The following EPB41L2 variants were observed in gnomAD, a reference collection of about 807,000 sequenced individuals.
The protein encoded by EPB41L2 is erythrocyte membrane protein band 4.1 like 2.
EPB41L2 carries 43 observed loss-of-function variants against 113.0 expected under a neutral mutation model. The observed-to-expected ratio is 0.38, with a 90% CI of 0.30 to 0.49. The LOEUF (loss-of-function observed/expected upper bound fraction) is 0.49. EPB41L2 is among the 20% of genes least tolerant of loss of function. The pLI is 0.95. For missense variants in EPB41L2, 1,147 were observed against 1,223.4 expected (o/e 0.94, Z 0.93); for synonymous variants, 442 against 436.7 (o/e 1.01, Z -0.15).
chr6:130,861,040 A>T (rs1380892836), intron 18 of EPB41L2, among the ~76,000 whole-genome samples: 1 of 152,062 alleles, frequency 6.6e-6, no homozygotes, highest in African/African-American at 2.4e-5. Flanking sequence ...GCCCAGTGAA[A>T]GTGTCCTTCC....
At chr6:130,867,389 G>A in intron 16 of EPB41L2, 70 bp downstream of exon 16, 2 of 1,553,702 alleles carry the variant, frequency 1.3e-6, no homozygotes, top group Non-Finnish European at 1.7e-6. Flanking sequence ...ACTAAGAGAA[G>A]AAAGAATGAA....
intron 1 of EPB41L2, among the ~76,000 whole-genome samples, chr6:131,029,743 A>G (rs568631183): frequency 1.0e-3 from 153 of 152,298 alleles, no homozygotes; most frequent in African/African-American, 3.5e-3. Context: ...TTGCCTAAAC[A>G]TTCCAGTGAC....
At chr6:130,929,668 A>G (rs1345932289) in intron 3 of EPB41L2, among the ~76,000 whole-genome samples, 1 of 152,172 alleles carries the variant, frequency 6.6e-6, no homozygotes, top group East Asian at 1.9e-4. Flanking sequence ...CCAAAAATAA[A>G]GCATTATGTA....
intron 4 of EPB41L2, among the ~76,000 whole-genome samples, chr6:130,924,425 C>A (rs1472710759): frequency 1.3e-5 from 2 of 151,804 alleles, no homozygotes; most frequent in African/African-American, 4.8e-5. Flanking sequence ...GTTGCCCAGG[C>A]TGGAGTGCAA....
intron 4 of EPB41L2, among the ~76,000 whole-genome samples, chr6:130,919,976 ATTTTT>A (rs397970115): frequency 6.7e-6 from 1 of 148,882 alleles, no homozygotes; most frequent in Non-Finnish European, 1.5e-5. Flanking sequence ...CTCAACTAAG[ATTTTT>A]TTTTTTAACA....
chr6:130,949,195 T>C (rs566957440), intron 3 of EPB41L2, among the ~76,000 whole-genome samples: 2 of 152,274 alleles, frequency 1.3e-5, no homozygotes, highest in African/African-American at 4.8e-5. Context: ...AAACTGGAAA[T>C]ATGAACAAAC....
chr6:130,938,108 G>A (rs1188902662), intron 3 of EPB41L2, among the ~76,000 whole-genome samples: 2 of 152,224 alleles, frequency 1.3e-5, no homozygotes, highest in Non-Finnish European at 2.9e-5. Context: ...TTGTAAAGCA[G>A]AGGGAGATAG....
chr6:130,997,644 T>C (rs1174292987), intron 1 of EPB41L2, among the ~76,000 whole-genome samples: 2 of 152,194 alleles, frequency 1.3e-5, no homozygotes. Flanking sequence ...TTTTCAGGAC[T>C]GCAAAATGGC....
At chr6:130,933,696 C>T (rs761563694) in intron 3 of EPB41L2, among the ~76,000 whole-genome samples, 1 of 152,220 alleles carries the variant, frequency 6.6e-6, no homozygotes, top group Non-Finnish European at 1.5e-5. Context: ...ATGAAATCTA[C>T]TGCAGATGCA....
At chr6:131,034,452 G>A (rs1792883666) in intron 1 of EPB41L2, among the ~76,000 whole-genome samples, 1 of 152,140 alleles carries the variant, frequency 6.6e-6, no homozygotes, top group Non-Finnish European at 1.5e-5. Flanking sequence ...TACAAAAAGT[G>A]CGAAAATTAG....
intron 12 of EPB41L2, among the ~76,000 whole-genome samples, chr6:130,884,790 C>T (rs1457815565): frequency 1.3e-5 from 2 of 151,908 alleles, no homozygotes. Flanking sequence ...TGGACCAAAC[C>T]AAAAATAAAT....
intron 5 of EPB41L2, among the ~76,000 whole-genome samples, chr6:130,906,884 T>G (rs1247088533): frequency 3.3e-5 from 5 of 152,206 alleles, no homozygotes; most frequent in African/African-American, 9.6e-5. Context: ...GGATGCCATT[T>G]AAAGAACTGG....
At chr6:131,026,680 T>C (rs933591537) in intron 1 of EPB41L2, among the ~76,000 whole-genome samples, 1 of 152,182 alleles carries the variant, frequency 6.6e-6, no homozygotes, top group African/African-American at 2.4e-5. Context: ...GCACAAACCA[T>C]ACTGGACATC....
At position 130,870,007 on chromosome 6, in the gene EPB41L2, C is replaced by G. The variant is rs748708269; in HGVS notation, c.2163G>C (p.Gly721=). 5 of 1,613,924 alleles carry G rather than the reference C, an allele frequency of 3.1e-6. No individual in the cohort carries two copies. The Admixed American group carries it at 8.3e-5, about 27-fold the overall frequency. Residue 721 remains glycine (G), a synonymous_variant, in exon 15 of 20, where the codon GGG becomes GGC. Coordinates refer to ENST00000337057, the MANE Select transcript of EPB41L2 (RefSeq NM_001431.4). ...TCACAGGCTCCACCTTACGAATCTC[C>G]CCAGGACCACTCCCAGGTGATATCT... ...GKEISPGSGP[G]EIRKVEPVTQ...
chr6:130,936,828 AACATGC>A (rs1808973274), intron 3 of EPB41L2, among the ~76,000 whole-genome samples: 1 of 152,232 alleles, frequency 6.6e-6, no homozygotes, highest in Non-Finnish European at 1.5e-5. Context: ...AAGGAACCCA[AACATGC>A]ACTTAGTAAG....
chr6:130,988,177 T>C (rs1781015978), intron 1 of EPB41L2, among the ~76,000 whole-genome samples: 1 of 152,150 alleles, frequency 6.6e-6, no homozygotes, highest in South Asian at 2.1e-4. Flanking sequence ...AAATAAAGAA[T>C]AGGTATTAAA....
chr6:131,051,995 G>A (rs969000529), intron 1 of EPB41L2, among the ~76,000 whole-genome samples: 3 of 149,670 alleles, frequency 2.0e-5, no homozygotes, highest in Admixed American at 6.7e-5. Context: ...GGAGTGCAGT[G>A]GCATGATCTC....
chr6:131,055,903 T>C (rs1278101636), intron 1 of EPB41L2, among the ~76,000 whole-genome samples: 1 of 152,186 alleles, frequency 6.6e-6, no homozygotes, highest in African/African-American at 2.4e-5. Context: ...CTTACAGGAT[T>C]ACTTACAATG....
At chr6:130,929,606 T>C (rs890766430) in intron 3 of EPB41L2, among the ~76,000 whole-genome samples, 6 of 152,102 alleles carry the variant, frequency 3.9e-5, no homozygotes, top group African/African-American at 1.4e-4. Flanking sequence ...ACGACAAACA[T>C]GGTCTCAGGA....
Sources: allele counts gnomAD v4.1 joint callset (sites outside exome capture counted in the v4.1 genomes callset), GRCh38; gene constraint gnomAD v4.1.1; transcripts MANE v1.5; gene names NCBI Gene and HGNC (gene_info 2026-07-23, HGNC 2026-07-21).